Variants in MYPOP observed in about 807,000 individuals in gnomAD.
MYPOP encodes Myb related transcription factor, partner of profilin.
A neutral mutation model predicts 25.7 loss-of-function variants in MYPOP; 21 were observed. That is an observed-to-expected ratio of 0.82 (90% CI 0.58 to 1.18). The LOEUF (loss-of-function observed/expected upper bound fraction) is 1.18. Ranked by LOEUF, MYPOP falls within the 50% of genes most tolerant of loss-of-function variation. The pLI, the probability that MYPOP is intolerant of heterozygous loss-of-function variation, is 0.00. For synonymous variants in MYPOP, 280 were observed against 247.9 expected (o/e 1.13, Z -1.22); for missense variants, 566 against 588.3 (o/e 0.96, Z 0.39).
rs1967318585 is a variant in MYPOP, at chr19:45,902,576, C to G, written c.-59G>C. On this transcript the variant is annotated 5_prime_UTR_variant, in exon 1 of 3. Coordinates refer to ENST00000322217, the MANE Select transcript of MYPOP (RefSeq NM_001012643.4). ...CGGGCCACGGGTCACTCACCGGCTCCGCCGCAGCCGCCGGTGGGTCAGGGC... is the reference window on the plus strand; with the variant it reads ...CGGGCCACGGGTCACTCACCGGCTCGGCCGCAGCCGCCGGTGGGTCAGGGC... 1 of 152,242 alleles carries G rather than the reference C, an allele frequency of 6.6e-6. No individual in the cohort carries two copies. Among genetic ancestry groups the G allele is most frequent in the Non-Finnish European group, 1.5e-5 (1 of 68,040 alleles). 9.4% of individuals were successfully genotyped at this position (152,242 alleles called of 1,614,324 possible). A position where few individuals can be genotyped will look rare whatever the true frequency, so the allele number is the denominator to read the frequency against.
Position 45,901,382 on chromosome 19 carries a change from G to T in MYPOP, c.392C>A (p.Ala131Asp). The change falls in exon 2 of 3, where the codon GCT becomes GAT. Residue 131 changes from alanine (A) to aspartate (D), a missense_variant. By Grantham distance (126) the Ala-to-Asp change is moderately radical. Coordinates refer to ENST00000322217, the MANE Select transcript of MYPOP (RefSeq NM_001012643.4). This position sits in a 1 kb window ranked among gnomAD's most constrained non-coding sequence, Gnocchi z 5.7. ...GPGVAAPGAG[A>D]GAEEPPAAPS... ...GGCCGCAGGGGGCTCCTCCGCCCCA[G>T]CACCTGCCCCCGGCGCCGCCACACC... is the stretch of plus-strand genomic sequence containing the variant. The T allele has an allele frequency of 6.6e-7, 1 of 1,504,650 alleles. No homozygotes were observed. The highest frequency in any genetic ancestry group is 1.3e-5 in the South Asian group (1 of 76,730). 93.2% of individuals were successfully genotyped at this position (1,504,650 alleles called of 1,614,324 possible).
At chr19:45,895,075 C>T (rs1016946977) in intron 2 of MYPOP, among the ~76,000 whole-genome samples, 4 of 152,124 alleles carry the variant, frequency 2.6e-5, no homozygotes, top group South Asian at 2.1e-4. Context: ...ATGCTCAAAC[C>T]GTCCTGTGGC....
chr19:45,891,105 G>A lies in MYPOP; in HGVS notation c.718C>T (p.Pro240Ser), dbSNP rs1967116369. 4 of 1,411,960 alleles carry A rather than the reference G, an allele frequency of 2.8e-6. No individual in the cohort carries two copies. The highest frequency in any genetic ancestry group is 3.8e-6 in the Non-Finnish European group (4 of 1,057,044). 87.5% of individuals were successfully genotyped at this position (1,411,960 alleles called of 1,614,324 possible). A position where few individuals can be genotyped will look rare whatever the true frequency, so the allele number is the denominator to read the frequency against. ...PPPLAQVAPS[P>S]PSPPPPPRPP... ...CGAGGAGGGGGTGGGGGGCTAGGGG[G>A]TGAGGGTGCCACTTGGGCCAGTGGC... Residue 240 changes from proline (P) to serine (S), a missense_variant, in exon 3 of 3, where the codon CCC (proline) becomes TCC (serine). Transcript: ENST00000322217.
chr19:45,897,046 G>C (rs1967216213), intron 2 of MYPOP, among the ~76,000 whole-genome samples: 1 of 149,784 alleles, frequency 6.7e-6, no homozygotes, highest in African/African-American at 2.5e-5. Context: ...GTGAGCCACT[G>C]CTCCTGGCCA....
intron 2 of MYPOP, 131 bp from the exon 3 acceptor site, chr19:45,891,454 C>T (rs969424131): frequency 3.5e-6 from 4 of 1,134,192 alleles, no homozygotes; most frequent in Non-Finnish European, 4.7e-6. Context: ...GCCCCCCAGC[C>T]CCAAGACAGT....
chr19:45,892,012 C>A (rs1967133671), intron 2 of MYPOP, among the ~76,000 whole-genome samples: 1 of 151,356 alleles, frequency 6.6e-6, no homozygotes, highest in East Asian at 2.0e-4. Flanking sequence ...CTCTGTCTTC[C>A]GGCTTCAAAC....
At chr19:45,891,431 C>T (rs1967124908) in intron 2 of MYPOP, 108 bp from the exon 3 acceptor site, 1 of 1,270,574 alleles carries the variant, frequency 7.9e-7, no homozygotes, top group African/African-American at 1.5e-5. Flanking sequence ...CCAGAACTAT[C>T]CTTCTCACCC....
At chr19:45,892,173 G>A (rs1967135851) in intron 2 of MYPOP, among the ~76,000 whole-genome samples, 1 of 152,166 alleles carries the variant, frequency 6.6e-6, no homozygotes. Flanking sequence ...CACCCACCTC[G>A]GCCTCCCAAA....
Position 45,890,405 on chromosome 19 carries a change from G to A in MYPOP, c.*218C>T, listed in dbSNP as rs1282203642. 1 of 604,148 alleles carries A rather than the reference G, an allele frequency of 1.7e-6. No individual in the cohort carries two copies. The highest frequency in any genetic ancestry group is 1.9e-5 in the African/African-American group (1 of 51,846). 37.4% of individuals were successfully genotyped at this position (604,148 alleles called of 1,614,324 possible). On this transcript the variant is annotated 3_prime_UTR_variant, in exon 3 of 3. Coordinates refer to ENST00000322217, the MANE Select transcript of MYPOP (RefSeq NM_001012643.4). Reference sequence around the variant, plus strand: ...GGCTTAGAAGTCAGGGTTAAGGGAGGCAGCCAGGCAGACAGCACTGTACCA... The same window carrying A: ...GGCTTAGAAGTCAGGGTTAAGGGAGACAGCCAGGCAGACAGCACTGTACCA...
intron 2 of MYPOP, among the ~76,000 whole-genome samples, chr19:45,895,529 T>TC (rs1485164182): frequency 6.6e-6 from 1 of 152,112 alleles, no homozygotes; most frequent in Non-Finnish European, 1.5e-5. Context: ...AGCACTTATC[T>TC]CCACCTGGCA....
rs181017092 is a variant in MYPOP, at chr19:45,898,686, G to T, written c.499+2589C>A. 3.0e-3 allele frequency among the ~76,000 whole-genome samples: 459 copies of T among 152,142 alleles called. 2 individuals carry two copies. The highest frequency in any genetic ancestry group is 0.01 in the African/African-American group (424 of 41,500). ...TGTTCCTGCCTCAGAGCTTTTGCAC[G>T]TGCTGTTTCCTCTAGTCTAGCAGGA... On this transcript the variant is annotated intron_variant, in intron 2 of 2. Transcript: ENST00000322217.
chr19:45,897,414 TGA>T (rs1967221888), intron 2 of MYPOP, among the ~76,000 whole-genome samples: 1 of 151,954 alleles, frequency 6.6e-6, no homozygotes, highest in Non-Finnish European at 1.5e-5. Flanking sequence ...GCCTGGGGTG[TGA>T]GTGACAAATC....
intron 2 of MYPOP, among the ~76,000 whole-genome samples, chr19:45,893,836 C>T (rs1296386407): frequency 6.7e-6 from 1 of 148,232 alleles, no homozygotes; most frequent in African/African-American, 2.5e-5. Context: ...GTCGCCCAGG[C>T]TGGAGTGCAG....
chr19:45,890,520 A>G lies in MYPOP; in HGVS notation c.*103T>C, dbSNP rs1477500217. 30 of 1,519,522 alleles carry G rather than the reference A, an allele frequency of 2.0e-5. No homozygotes were observed. Among genetic ancestry groups the G allele is most frequent in the Admixed American group, 3.9e-5 (2 of 51,456 alleles). The allele number at this position is 1,519,522 out of a possible 1,614,324, so 94.1% of individuals were successfully genotyped here. A position where few individuals can be genotyped will look rare whatever the true frequency, so the allele number is the denominator to read the frequency against. On this transcript the variant is annotated 3_prime_UTR_variant, in exon 3 of 3. Coordinates refer to ENST00000322217, the MANE Select transcript of MYPOP (RefSeq NM_001012643.4). ...AGGGAGTGGGTGCTCACATCCCTGGAGCAGGGAGCTAGGGTGCAGCTGGGA... is the reference window on the plus strand; with the variant it reads ...AGGGAGTGGGTGCTCACATCCCTGGGGCAGGGAGCTAGGGTGCAGCTGGGA...
chr19:45,891,919 T>A (rs915063918), intron 2 of MYPOP, among the ~76,000 whole-genome samples: 5 of 152,114 alleles, frequency 3.3e-5, no homozygotes, highest in Non-Finnish European at 4.4e-5. Context: ...ACAGTTTTTT[T>A]ATTTTTTTAA....
chr19:45,891,393 C>A, intron 2 of MYPOP, 70 bp from the exon 3 acceptor site: 1 of 1,400,306 alleles, frequency 7.1e-7, no homozygotes. Flanking sequence ...CTTTCCCACT[C>A]CTTCCCTCAC....
At chr19:45,896,674 G>A (rs1303363861) in intron 2 of MYPOP, among the ~76,000 whole-genome samples, 2 of 150,024 alleles carry the variant, frequency 1.3e-5, no homozygotes, top group Non-Finnish European at 1.5e-5. Flanking sequence ...GCCGGACTGC[G>A]GACTGCAGTG....
chr19:45,901,299 C>A lies in MYPOP; in HGVS notation c.475G>T (p.Asp159Tyr). The A allele has an allele frequency of 6.9e-7, 1 of 1,454,086 alleles. No individual in the cohort carries two copies. The highest frequency in any genetic ancestry group is 1.5e-5 in the South Asian group (1 of 68,072). 90.1% of individuals were successfully genotyped at this position (1,454,086 alleles called of 1,614,324 possible). A position where few individuals can be genotyped will look rare whatever the true frequency, so the allele number is the denominator to read the frequency against. ...ACPQRYVLSEDRREDRRADTS... is the reference protein window; with the variant it reads ...ACPQRYVLSEYRREDRRADTS... ...CCTGCACGTCGGTCCTCCCGGCGGT[C>A]TTCCGACAACACGTAGCGCTGAGGG... Residue 159 changes from aspartate (D) to tyrosine (Y), a missense_variant, in exon 2 of 3, where the codon GAC becomes TAC. Coordinates refer to ENST00000322217, the MANE Select transcript of MYPOP (RefSeq NM_001012643.4). This position sits in a 1 kb window ranked among gnomAD's most constrained non-coding sequence, Gnocchi z 5.7.
chr19:45,900,947 G>A (rs115589958), intron 2 of MYPOP, among the ~76,000 whole-genome samples: 117 of 152,286 alleles, frequency 7.7e-4, no homozygotes, highest in African/African-American at 2.7e-3. Context: ...AGATGACACA[G>A]TTCAGTGGCA....
Sources: gnomAD v4.1 joint callset for allele counts (sites outside exome capture counted in the v4.1 genomes callset) on GRCh38, gnomAD v4.1.1 for gene constraint, Gnocchi (gnomAD v3.1) non-coding constraint, MANE v1.5 for transcripts, NCBI Gene and HGNC (gene_info 2026-07-23, HGNC 2026-07-21) for gene names.